The following PAIP2 variants were observed in gnomAD, a reference collection of about 807,000 sequenced individuals.
PAIP2 encodes polyadenylate-binding protein-interacting protein 2.
In PAIP2, 7 loss-of-function variants were observed where a neutral mutation model predicts 14.8. That is an observed-to-expected ratio of 0.47 (90% CI 0.27 to 0.89). The LOEUF (loss-of-function observed/expected upper bound fraction) is 0.89, where lower values mean the gene tolerates loss of function less well. Among genes scored for constraint, PAIP2 ranks in the 40% least tolerant of loss-of-function variants. PAIP2 has a pLI of 0.13. For missense variants in PAIP2, 122 were observed against 154.7 expected, an observed-to-expected ratio of 0.79 and a Z score of 1.12; for synonymous variants, 47 against 45.3, an observed-to-expected ratio of 1.04 and a Z score of -0.15.
At chr5:139,358,064 C>T (rs1237946245) in intron 1 of PAIP2, among the ~76,000 whole-genome samples, 1 of 152,004 alleles carries the variant, frequency 6.6e-6, no homozygotes, top group African/African-American at 2.4e-5. Context: ...ATAGGGGTCT[C>T]ACTATGTTGC....
At chr5:139,360,377 T>C (rs1757033674) in intron 1 of PAIP2, among the ~76,000 whole-genome samples, 1 of 152,226 alleles carries the variant, frequency 6.6e-6, no homozygotes, top group Non-Finnish European at 1.5e-5. Context: ...CTGTTTTCTG[T>C]CTTGTCTGCT....
intron 1 of PAIP2, among the ~76,000 whole-genome samples, chr5:139,351,331 T>C (rs1195693052): frequency 6.8e-6 from 1 of 146,662 alleles, no homozygotes; most frequent in African/African-American, 2.5e-5. Flanking sequence ...AAAAAAAGAG[T>C]GATCATAGCA....
At chr5:139,353,650 T>C (rs1053986238) in intron 1 of PAIP2, among the ~76,000 whole-genome samples, 1 of 152,164 alleles carries the variant, frequency 6.6e-6, no homozygotes, top group Admixed American at 6.5e-5. Flanking sequence ...AATTTGTTAC[T>C]ACAAAATACA....
intron 1 of PAIP2, among the ~76,000 whole-genome samples, chr5:139,361,709 C>CT (rs1757071094): frequency 6.6e-6 from 1 of 152,078 alleles, no homozygotes; most frequent in African/African-American, 2.4e-5. Flanking sequence ...CTTTGGGAGG[C>CT]TGAGACAGGT....
chr5:139,345,108 C>T (rs1318633580), intron 1 of PAIP2, among the ~76,000 whole-genome samples: 12 of 151,648 alleles, frequency 7.9e-5, no homozygotes, highest in African/African-American at 1.5e-4. Flanking sequence ...TGCAGTGGCG[C>T]GATCTCGGCT....
intron 1 of PAIP2, among the ~76,000 whole-genome samples, chr5:139,347,291 T>TA (rs1554152784): frequency 0.02 from 3,010 of 147,880 alleles, 148 homozygotes; most frequent in African/African-American, 0.074. Context: ...TTTTTTTTTT[T>TA]AAGACACAGT....
intron 3 of PAIP2, 26 bp downstream of exon 3, chr5:139,364,769 A>G (rs765857573): frequency 1.4e-6 from 2 of 1,478,522 alleles, no homozygotes; most frequent in South Asian, 1.2e-5. Flanking sequence ...TCATCTTTTT[A>G]AAACCTAGTG....
At chr5:139,349,770 G>A (rs1756670190) in intron 1 of PAIP2, among the ~76,000 whole-genome samples, 1 of 152,026 alleles carries the variant, frequency 6.6e-6, no homozygotes, top group Non-Finnish European at 1.5e-5. Context: ...TTGGGAGGCT[G>A]AGATAGGTGG....
At chr5:139,360,174 C>G (rs1757027767) in intron 1 of PAIP2, among the ~76,000 whole-genome samples, 1 of 151,740 alleles carries the variant, frequency 6.6e-6, no homozygotes, top group African/African-American at 2.4e-5. Flanking sequence ...ACCATATTGG[C>G]CAGGCTGGTC....
chr5:139,362,699 C>G (rs549650152), intron 1 of PAIP2, among the ~76,000 whole-genome samples: 1 of 151,414 alleles, frequency 6.6e-6, no homozygotes, highest in East Asian at 2.0e-4. Context: ...CATGAGCCAC[C>G]GCGCCTGGCC....
intron 1 of PAIP2, among the ~76,000 whole-genome samples, chr5:139,349,281 C>G (rs1054321464): frequency 5.9e-5 from 9 of 152,180 alleles, no homozygotes; most frequent in African/African-American, 1.9e-4. Flanking sequence ...CGGAGTCTCG[C>G]TCTGTCGCCC....
At chr5:139,348,288 G>A (rs1055687258) in intron 1 of PAIP2, among the ~76,000 whole-genome samples, 17 of 151,170 alleles carry the variant, frequency 1.1e-4, no homozygotes, top group Non-Finnish European at 1.3e-4. Flanking sequence ...TCCCAGGCTC[G>A]AGCAATTCTC....
intron 3 of PAIP2, chr5:139,364,978 C>T: frequency 3.8e-6 from 1 of 264,694 alleles, no homozygotes; most frequent in Non-Finnish European, 7.1e-6. Flanking sequence ...AACCCCATCT[C>T]TACTAAAAAT....
At chr5:139,366,169 C>T (rs563007322) in intron 3 of PAIP2, among the ~76,000 whole-genome samples, 2 of 142,728 alleles carry the variant, frequency 1.4e-5, no homozygotes, top group East Asian at 4.2e-4. Flanking sequence ...TGTCGTTGCA[C>T]TCTAGCCTGG....
chr5:139,342,203 C>T (rs1164522752), intron 1 of PAIP2, among the ~76,000 whole-genome samples: 1 of 151,544 alleles, frequency 6.6e-6, no homozygotes, highest in Non-Finnish European at 1.5e-5. Flanking sequence ...TTTTCATTGT[C>T]ATTATTAATG....
intron 1 of PAIP2, among the ~76,000 whole-genome samples, chr5:139,354,830 T>C (rs1756858499): frequency 6.6e-6 from 1 of 151,554 alleles, no homozygotes; most frequent in Non-Finnish European, 1.5e-5. Context: ...ACCTTTTTTT[T>C]TTTTTTTTGA....
chr5:139,358,378 G>A (rs1314045281), intron 1 of PAIP2, among the ~76,000 whole-genome samples: 1 of 152,324 alleles, frequency 6.6e-6, no homozygotes, highest in Non-Finnish European at 1.5e-5. Flanking sequence ...CACATTAGCA[G>A]TGCTTACTTT....
chr5:139,354,769 C>G (rs538395404), intron 1 of PAIP2, among the ~76,000 whole-genome samples: 146 of 151,578 alleles, frequency 9.6e-4, no homozygotes, highest in Non-Finnish European at 1.7e-3. Flanking sequence ...TTTTGTCTCT[C>G]TGCTCATATC....
intron 1 of PAIP2, among the ~76,000 whole-genome samples, chr5:139,355,166 CTTTTTT>C (rs758442291): frequency 5.9e-5 from 7 of 118,748 alleles, no homozygotes; most frequent in South Asian, 2.7e-4. Context: ...TTGTCTCTCT[CTTTTTT>C]TTTTTTTTTT....
Sources: allele counts gnomAD v4.1 joint callset (sites outside exome capture counted in the v4.1 genomes callset), GRCh38; gene constraint gnomAD v4.1.1; transcripts MANE v1.5; gene names NCBI Gene and HGNC (gene_info 2026-07-23, HGNC 2026-07-21).